Variants in NFYB observed in about 807,000 individuals in gnomAD.
NFYB encodes the protein nuclear transcription factor Y subunit beta.
In NFYB, 13 loss-of-function variants were observed where a neutral mutation model predicts 28.0. The observed-to-expected ratio is 0.46, with a 90% CI of 0.30 to 0.74. NFYB has a LOEUF of 0.74. NFYB is among the 30% of genes least tolerant of loss of function. The pLI, the probability that NFYB is intolerant of heterozygous loss-of-function variation, is 0.07. For synonymous variants in NFYB, 74 were observed against 75.0 expected (o/e 0.99, Z 0.07); for missense variants, 142 against 247.6 (o/e 0.57, Z 2.86).
intron 5 of NFYB, among the ~76,000 whole-genome samples, chr12:104,122,403 A>G (rs559945220): frequency 1.3e-5 from 2 of 152,324 alleles, no homozygotes; most frequent in African/African-American, 2.4e-5. Context: ...GTACTGTAAT[A>G]TAAGTCAGTG....
intron 2 of NFYB, among the ~76,000 whole-genome samples, chr12:104,134,844 AC>A (rs2031046758): frequency 6.6e-6 from 1 of 152,184 alleles, no homozygotes; most frequent in Non-Finnish European, 1.5e-5. Context: ...GCTGTAACAC[AC>A]CCGAGGTTAC....
At position 104,135,459 on chromosome 12, in the gene NFYB, A is replaced by G; in HGVS notation, c.-6T>C. ...TAAAATATACTTACTGTCATGAAAT[A>G]CTGTCAGAACCGTGTTGTCAGTGGT... On this transcript the variant is annotated 5_prime_UTR_variant, in exon 2 of 8. Transcript: ENST00000240055. 6 of 1,592,520 alleles carry G rather than the reference A, an allele frequency of 3.8e-6. No individual in the cohort carries two copies. The highest frequency in any genetic ancestry group is 5.1e-6 in the Non-Finnish European group (6 of 1,172,064).
intron 2 of NFYB, among the ~76,000 whole-genome samples, chr12:104,135,124 A>G (rs899879566): frequency 2.6e-5 from 4 of 152,140 alleles, no homozygotes; most frequent in Non-Finnish European, 5.9e-5. Context: ...TCTTCTTCCC[A>G]TATCTACTGC....
In NFYB at chr12:104,126,078, T is replaced by C. The variant is rs751440860; in HGVS notation, c.231+36A>G. 19 of 1,533,400 alleles carry C rather than the reference T, an allele frequency of 1.2e-5. No homozygotes were observed. In the African/African-American group the frequency reaches 2.7e-4, roughly 21 times the overall value. The allele number at this position is 1,533,400 out of a possible 1,614,324, so 95.0% of individuals were successfully genotyped here. A position where few individuals can be genotyped will look rare whatever the true frequency, so the allele number is the denominator to read the frequency against. On this transcript the variant is annotated intron_variant, in intron 4 of 7. Coordinates refer to ENST00000240055, the MANE Select transcript of NFYB (RefSeq NM_006166.4). The stretch of plus-strand genomic sequence containing the variant: ...GAATTCATGTAGTTTCGTGTTTCCC[T>C]TGAAAAAACCTAGTTAAATTTCTCC...
chr12:104,133,837 C>T (rs1371863213), intron 2 of NFYB, among the ~76,000 whole-genome samples: 1 of 152,110 alleles, frequency 6.6e-6, no homozygotes, highest in African/African-American at 2.4e-5. Flanking sequence ...CATGCTTAGT[C>T]TCCCTCATTA....
chr12:104,132,446 G>A (rs1413219340), intron 2 of NFYB, among the ~76,000 whole-genome samples: 2 of 152,124 alleles, frequency 1.3e-5, no homozygotes, highest in African/African-American at 2.4e-5. Flanking sequence ...TACAGAAACC[G>A]ACCTGGAGGG....
chr12:104,126,856 T>C (rs2030736230), intron 3 of NFYB, among the ~76,000 whole-genome samples: 1 of 152,218 alleles, frequency 6.6e-6, no homozygotes, highest in African/African-American at 2.4e-5. Flanking sequence ...ACTTTTAAAG[T>C]TGATATAAAG....
At chr12:104,123,517 T>G in intron 4 of NFYB, 94 bp from the exon 5 acceptor site, 1 of 910,906 alleles carries the variant, frequency 1.1e-6, no homozygotes, top group African/African-American at 1.7e-5. Context: ...GAACACATCT[T>G]CACTTTATGA....
chr12:104,122,592 A>G (rs1400938572), intron 5 of NFYB, among the ~76,000 whole-genome samples: 1 of 152,168 alleles, frequency 6.6e-6, no homozygotes, highest in East Asian at 1.9e-4. Context: ...CTGCGCATGC[A>G]AGGGATCTAG....
intron 1 of NFYB, chr12:104,137,593 G>C (rs2031155648): frequency 6.6e-6 from 1 of 151,870 alleles, no homozygotes; most frequent in East Asian, 1.9e-4. Context: ...CCGGCCCCGC[G>C]CCCAACGCCT....
intron 2 of NFYB, among the ~76,000 whole-genome samples, chr12:104,134,430 C>T (rs906410272): frequency 1.3e-5 from 2 of 152,172 alleles, no homozygotes; most frequent in African/African-American, 4.8e-5. Context: ...CTCTGCCCAG[C>T]CAAATATACC....
chr12:104,122,172 A>T (rs1219718376), intron 5 of NFYB, among the ~76,000 whole-genome samples: 3 of 152,210 alleles, frequency 2.0e-5, no homozygotes, highest in Middle Eastern at 3.2e-3. Context: ...AGTACCATCC[A>T]TAATTCTATG....
intron 5 of NFYB, among the ~76,000 whole-genome samples, chr12:104,121,721 G>A: frequency 6.6e-6 from 1 of 152,152 alleles, no homozygotes; most frequent in Non-Finnish European, 1.5e-5. Context: ...GGGCAGTACT[G>A]TAGCAAGCTG....
In NFYB at chr12:104,135,441, T is replaced by C. The variant is rs778246045; in HGVS notation, c.6+7A>G. Reference sequence around the variant, plus strand: ...AATTAACAACCAAAATGGTAAAATATACTTACTGTCATGAAATACTGTCAG... The same window carrying C: ...AATTAACAACCAAAATGGTAAAATACACTTACTGTCATGAAATACTGTCAG... On this transcript the variant is annotated splice_region_variant and intron_variant, in intron 2 of 7. Transcript: ENST00000240055. The C allele has an allele frequency of 1.3e-6, 2 of 1,589,012 alleles. No homozygotes were observed. The highest frequency in any genetic ancestry group is 1.4e-5 in the African/African-American group (1 of 73,402).
intron 5 of NFYB, among the ~76,000 whole-genome samples, chr12:104,122,871 A>C (rs1296855509): frequency 6.6e-6 from 1 of 152,136 alleles, no homozygotes; most frequent in Non-Finnish European, 1.5e-5. Context: ...AATGTCTCTT[A>C]TTTTCTTAAA....
At chr12:104,131,816 T>C in intron 2 of NFYB, 1 of 455,754 alleles carries the variant, frequency 2.2e-6, no homozygotes, top group South Asian at 1.6e-5. Context: ...TGTCCTCAGC[T>C]TGCAGGACAA....
At chr12:104,134,195 A>C (rs975659948) in intron 2 of NFYB, among the ~76,000 whole-genome samples, 1 of 152,074 alleles carries the variant, frequency 6.6e-6, no homozygotes, top group Non-Finnish European at 1.5e-5. Context: ...TTCTTAATGA[A>C]CTCACTAAAT....
At chr12:104,121,185 C>T (rs372722158) in intron 6 of NFYB, 55 bp downstream of exon 6, 53 of 1,383,972 alleles carry the variant, frequency 3.8e-5, no homozygotes, top group Middle Eastern at 3.6e-4. Context: ...CCATTAGATA[C>T]TTAGTATGAA....
At chr12:104,132,758 C>G (rs1017486410) in intron 2 of NFYB, among the ~76,000 whole-genome samples, 2 of 152,230 alleles carry the variant, frequency 1.3e-5, no homozygotes, top group African/African-American at 4.8e-5. Flanking sequence ...AGCTAATGAC[C>G]GTGAGTTTAC....
Sources: allele counts gnomAD v4.1 joint callset (sites outside exome capture counted in the v4.1 genomes callset), GRCh38; gene constraint gnomAD v4.1.1; transcripts MANE v1.5; gene names NCBI Gene and HGNC (gene_info 2026-07-23, HGNC 2026-07-21).